ZMYM4: variants seen among roughly 807,000 people sequenced by gnomAD.
ZMYM4 encodes zinc finger MYM-type protein 4.
A neutral mutation model predicts 183.2 loss-of-function variants in ZMYM4; 31 were observed. The ratio of observed to expected loss-of-function variants is 0.17; its 90% CI spans 0.13 to 0.23. ZMYM4 has a LOEUF of 0.23. Ranked by LOEUF, ZMYM4 falls within the 10% of genes least tolerant of loss-of-function variation. The probability of loss-of-function intolerance (pLI) is 1.00; values close to 1 mark genes in which losing one functional copy is unlikely to be tolerated. For synonymous variants in ZMYM4, 592 were observed against 631.2 expected, an observed-to-expected ratio of 0.94 and a Z score of 0.93; for missense variants, 1,273 against 1,840.3, an observed-to-expected ratio of 0.69 and a Z score of 5.64.
Position 35,298,864 on chromosome 1 carries a change from C to G in ZMYM4, c.40-26496C>G, listed in dbSNP as rs1485910598. On this transcript the variant is annotated intron_variant, in intron 1 of 29. Transcript: ENST00000314607. ...AATCCATTTGTAACTGGTGAGAACC[C>G]ACATAGTTACATTGCCATACTCTTT... Among the ~76,000 whole-genome samples the G allele has an allele frequency of 2.6e-5, 4 of 152,070 alleles. No homozygotes were observed. In the South Asian group the frequency reaches 8.3e-4, roughly 32 times the overall value.
At chr1:35,287,293 C>T (rs1298149227) in intron 1 of ZMYM4, among the ~76,000 whole-genome samples, 1 of 151,540 alleles carries the variant, frequency 6.6e-6, no homozygotes. Context: ...CCTTGAACTC[C>T]TGGCCTCAAG....
At chr1:35,299,636 GCAAA>G (rs1473364770) in intron 1 of ZMYM4, among the ~76,000 whole-genome samples, 2 of 152,136 alleles carry the variant, frequency 1.3e-5, no homozygotes, top group Admixed American at 6.5e-5. Context: ...ATACTTCTGT[GCAAA>G]CAAAGACTTA....
chr1:35,362,182 A>AT (rs1435076880), intron 5 of ZMYM4, among the ~76,000 whole-genome samples: 5 of 152,120 alleles, frequency 3.3e-5, no homozygotes, highest in Non-Finnish European at 5.9e-5. Context: ...GGATTTAAAT[A>AT]TTTTTCAGGA....
At chr1:35,335,068 C>T (rs745856816) in intron 2 of ZMYM4, among the ~76,000 whole-genome samples, 1 of 152,170 alleles carries the variant, frequency 6.6e-6, no homozygotes, top group Non-Finnish European at 1.5e-5. Flanking sequence ...TTCCCAGTCT[C>T]ATACAAGTAG....
intron 2 of ZMYM4, among the ~76,000 whole-genome samples, chr1:35,345,436 C>G (rs1016955497): frequency 2.0e-5 from 3 of 151,400 alleles, no homozygotes; most frequent in Admixed American, 1.3e-4. Flanking sequence ...AATGTGTATC[C>G]TCCACCACTC....
At chr1:35,351,423 A>G in intron 2 of ZMYM4, 1 of 1,570,026 alleles carries the variant, frequency 6.4e-7, no homozygotes, top group Admixed American at 1.7e-5. Context: ...TCCAGACATG[A>G]TGGAGGAGAT....
intron 1 of ZMYM4, among the ~76,000 whole-genome samples, chr1:35,277,270 A>T (rs1386991131): frequency 6.6e-6 from 1 of 152,212 alleles, no homozygotes; most frequent in Non-Finnish European, 1.5e-5. Flanking sequence ...TGAGAGCCCT[A>T]GTTGGTAGAG....
Position 35,370,483 on chromosome 1 carries a change from A to G in ZMYM4, c.1037A>G (p.Lys346Arg). Residue 346 changes from lysine (K) to arginine (R), a missense_variant, in exon 7 of 30, where the codon AAA becomes AGA. This residue lies in a region of ZMYM4 where 384 missense variants were observed against 465.6 expected (regional missense o/e 0.82). Coordinates refer to ENST00000314607, the MANE Select transcript of ZMYM4 (RefSeq NM_005095.3). ...AVRVSCSGCK[K>R]ILQKGQTAYQ... ...CGAGTTTCCTGTTCTGGTTGTAAAA[A>G]AATCCTCCAGAAGGGGCAAACTGCT... 1.9e-6 allele frequency: 3 copies of G among 1,613,420 alleles called. No individual in the cohort carries two copies. The highest frequency in any genetic ancestry group is 2.5e-6 in the Non-Finnish European group (3 of 1,179,860).
intron 1 of ZMYM4, among the ~76,000 whole-genome samples, chr1:35,273,939 CAT>C (rs1335550814): frequency 2.6e-5 from 4 of 151,984 alleles, no homozygotes; most frequent in African/African-American, 4.8e-5. Context: ...ATTGAACACA[CAT>C]ATAGACAGTA....
At chr1:35,371,138 C>T (rs936326509) in intron 7 of ZMYM4, among the ~76,000 whole-genome samples, 89 of 144,692 alleles carry the variant, frequency 6.2e-4, no homozygotes, top group Non-Finnish European at 1.0e-3. Context: ...TATTTTGAGA[C>T]GGAGTCTCGC....
intron 1 of ZMYM4, among the ~76,000 whole-genome samples, chr1:35,272,784 C>T (rs1057463398): frequency 2.0e-5 from 3 of 152,176 alleles, no homozygotes; most frequent in African/African-American, 7.2e-5. Context: ...TCTCAGCTCA[C>T]TGCAAGCTCC....
chr1:35,378,287 C>T (rs900859591), intron 7 of ZMYM4, among the ~76,000 whole-genome samples: 3 of 152,194 alleles, frequency 2.0e-5, no homozygotes. Context: ...TTTGGATTTC[C>T]TCTCATTAAT....
At chr1:35,307,547 T>C (rs1641591683) in intron 1 of ZMYM4, among the ~76,000 whole-genome samples, 1 of 148,904 alleles carries the variant, frequency 6.7e-6, no homozygotes, top group East Asian at 1.9e-4. Context: ...TTATTATTTT[T>C]TTTTTGAGAC....
chr1:35,384,841 CTTT>C (rs748891728), intron 9 of ZMYM4, among the ~76,000 whole-genome samples: 1 of 127,408 alleles, frequency 7.8e-6, no homozygotes, highest in African/African-American at 3.1e-5. Context: ...TTTTCTTTTT[CTTT>C]TTTTTTTTTT....
At chr1:35,377,103 C>T (rs1435225213) in intron 7 of ZMYM4, among the ~76,000 whole-genome samples, 2 of 151,908 alleles carry the variant, frequency 1.3e-5, no homozygotes, top group Non-Finnish European at 2.9e-5. Context: ...GACGGGGTTT[C>T]GCCATGTTGG....
At chr1:35,392,046 G>GA (rs201154801) in intron 15 of ZMYM4, among the ~76,000 whole-genome samples, 166 bp from the exon 16 acceptor site, 109 of 137,096 alleles carry the variant, frequency 8.0e-4, no homozygotes, top group African/African-American at 2.1e-3. Context: ...GTCTCAAAAA[G>GA]AAAAAAAAAA....
chr1:35,317,358 G>A (rs1383549967), intron 1 of ZMYM4, among the ~76,000 whole-genome samples: 1 of 152,024 alleles, frequency 6.6e-6, no homozygotes, highest in African/African-American at 2.4e-5. Context: ...CCTTGAACCC[G>A]GGAGGTGGAG....
At chr1:35,322,725 T>G (rs1023937043) in intron 1 of ZMYM4, among the ~76,000 whole-genome samples, 1 of 152,238 alleles carries the variant, frequency 6.6e-6, no homozygotes, top group African/African-American at 2.4e-5. Flanking sequence ...AGTCTTGCCC[T>G]GTTGCCCAGG....
chr1:35,326,198 C>T (rs1642497041), intron 2 of ZMYM4, among the ~76,000 whole-genome samples: 1 of 152,068 alleles, frequency 6.6e-6, no homozygotes, highest in Admixed American at 6.6e-5. Flanking sequence ...AGTTAAGTTC[C>T]TGTGGCATAT....
Sources: allele counts gnomAD v4.1 joint callset (sites outside exome capture counted in the v4.1 genomes callset), GRCh38; gene constraint gnomAD v4.1.1; regional missense constraint gnomAD v4.1.1; transcripts MANE v1.5; gene names NCBI Gene and HGNC (gene_info 2026-07-23, HGNC 2026-07-21).